CERKL: variants seen among roughly 807,000 people sequenced by gnomAD.
CERKL encodes the protein ceramide kinase-like protein.
In CERKL, 61 loss-of-function variants were observed where a neutral mutation model predicts 63.4. The observed-to-expected ratio is 0.96, with a 90% CI of 0.78 to 1.19. CERKL has a LOEUF of 1.19. Among genes scored for constraint, CERKL ranks in the 50% most tolerant of loss-of-function variants. The pLI, the probability that CERKL is intolerant of heterozygous loss-of-function variation, is 0.00. For missense variants in CERKL, 675 were observed against 655.5 expected (o/e 1.03, Z -0.33); for synonymous variants, 250 against 230.5 (o/e 1.08, Z -0.77).
intron 1 of CERKL, among the ~76,000 whole-genome samples, chr2:181,656,467 TGA>T (rs1688159618): frequency 1.3e-5 from 2 of 152,046 alleles, no homozygotes; most frequent in South Asian, 2.1e-4. Flanking sequence ...GATTTTCTGC[TGA>T]GACTCTGAGC....
Position 181,539,262 on chromosome 2 carries a change from G to A in CERKL, c.1368C>T (p.Phe456=), listed in dbSNP as rs1687372607. The change falls in exon 12 of 13, where the codon TTC becomes TTT. Residue 456 remains phenylalanine, a splice_region_variant and synonymous_variant. Transcript: ENST00000410087. ...LKRYASVKNQ[F]NFPFVETYTV... is the part of the protein sequence containing the mutation. Reference sequence around the variant, plus strand: ...TGTAAGTCTCAACAAATGGAAAATTGAACTAAAAATAAATACAAATAATCA... The same window carrying A: ...TGTAAGTCTCAACAAATGGAAAATTAAACTAAAAATAAATACAAATAATCA... The A allele has an allele frequency of 6.4e-7, 1 of 1,573,050 alleles. No individual in the cohort carries two copies.
intron 1 of CERKL, among the ~76,000 whole-genome samples, 179 bp downstream of exon 1, chr2:181,656,590 T>C (rs1241198753): frequency 6.6e-6 from 1 of 150,774 alleles, no homozygotes; most frequent in African/African-American, 2.4e-5. Context: ...GAGTTCCCAG[T>C]TGGGAAGGAG....
chr2:181,598,860 T>C (rs1254702825), intron 2 of CERKL, among the ~76,000 whole-genome samples: 1 of 145,196 alleles, frequency 6.9e-6, no homozygotes, highest in Admixed American at 6.8e-5. Flanking sequence ...ACCATAGTCA[T>C]ACCCTCAAGG....
chr2:181,565,537 T>C, intron 4 of CERKL: 1 of 1,414,074 alleles, frequency 7.1e-7, no homozygotes, highest in Non-Finnish European at 1.0e-6. Context: ...TAAATTGTAG[T>C]CACTACATTA....
chr2:181,595,325 T>A (rs1685156866), intron 2 of CERKL, among the ~76,000 whole-genome samples: 2 of 152,196 alleles, frequency 1.3e-5, no homozygotes, highest in Non-Finnish European at 2.9e-5. Context: ...ATGAGGAAAC[T>A]TTTTTAAGTA....
At chr2:181,579,965 T>C (rs909281386) in intron 2 of CERKL, among the ~76,000 whole-genome samples, 1 of 151,920 alleles carries the variant, frequency 6.6e-6, no homozygotes, top group African/African-American at 2.4e-5. Context: ...TACCATCTTT[T>C]AAACATTATA....
intron 5 of CERKL, among the ~76,000 whole-genome samples, chr2:181,551,751 T>A (rs1353208548): frequency 6.6e-6 from 1 of 152,146 alleles, no homozygotes; most frequent in African/African-American, 2.4e-5. Flanking sequence ...AAAAGTTTTA[T>A]ACATCTTATA....
chr2:181,563,997 G>A (rs151161456), intron 4 of CERKL, among the ~76,000 whole-genome samples: 13 of 152,196 alleles, frequency 8.5e-5, no homozygotes, highest in East Asian at 5.8e-4. Context: ...GGTGGGAGAC[G>A]GATGGTTTCA....
chr2:181,562,904 T>G (rs544524431), intron 4 of CERKL, among the ~76,000 whole-genome samples: 1 of 152,286 alleles, frequency 6.6e-6, no homozygotes, highest in South Asian at 2.1e-4. Context: ...TGATAAAATG[T>G]CAATATAATC....
Position 181,548,669 on chromosome 2 carries a change from A to G in CERKL, c.1073+11T>C, listed in dbSNP as rs186100602. The G allele has an allele frequency of 3.0e-4, 479 of 1,613,880 alleles. No individual in the cohort carries two copies. In the African/African-American group the frequency reaches 3.0e-3, roughly 10 times the overall value. On this transcript the variant is annotated intron_variant, in intron 7 of 12. Transcript: ENST00000410087. ...CTGGGATACAATTTTTGGTTTAAGA[A>G]AAAGACTTACTTAAGTTTTGCCAGT...
At chr2:181,564,136 G>A (rs1688566009) in intron 4 of CERKL, among the ~76,000 whole-genome samples, 1 of 152,084 alleles carries the variant, frequency 6.6e-6, no homozygotes, top group Non-Finnish European at 1.5e-5. Context: ...ACTCCTGTGA[G>A]AATCTAATGC....
chr2:181,640,179 C>T (rs1467712090), intron 1 of CERKL, among the ~76,000 whole-genome samples: 1 of 152,186 alleles, frequency 6.6e-6, no homozygotes, highest in Non-Finnish European at 1.5e-5. Context: ...TTCTGGTTTG[C>T]ATGCCAAAAG....
chr2:181,539,066 A>G (rs74442507), intron 12 of CERKL, 26 bp downstream of exon 12: 3 of 1,305,326 alleles, frequency 2.3e-6, no homozygotes, highest in African/African-American at 6.6e-5. Context: ...CTGGTTGACA[A>G]TAAGCGGTGA....
rs1553511174 is a variant in CERKL at position 181,537,261 on chromosome 2, C to CCTACTCAGAACTACT, written c.*908_*922dup. ...TAAGGAAATTTACATTTGGTTCTTT[C>CCTACTCAGAACTACT]CTACTCAGAACTACTCAGAAACAAC... On this transcript the variant is annotated 3_prime_UTR_variant, in exon 13 of 13. Transcript: ENST00000410087. 13 of 453,706 alleles carry CCTACTCAGAACTACT rather than the reference C, an allele frequency of 2.9e-5. No homozygotes were observed. Among genetic ancestry groups the CCTACTCAGAACTACT allele is most frequent in the Non-Finnish European group, 5.3e-5 (12 of 226,734 alleles). The allele number at this position is 453,706 out of a possible 1,614,324, so 28.1% of individuals were successfully genotyped here. A position where few individuals can be genotyped will look rare whatever the true frequency, so the allele number is the denominator to read the frequency against.
chr2:181,621,787 G>A (rs1686465401), intron 1 of CERKL, among the ~76,000 whole-genome samples: 1 of 152,032 alleles, frequency 6.6e-6, no homozygotes, highest in Non-Finnish European at 1.5e-5. Flanking sequence ...TAGCTTACAG[G>A]ATTACAGCAA....
chr2:181,558,682 G>A lies in CERKL; in HGVS notation c.704C>T (p.Ser235Phe). 1 of 1,613,632 alleles carries A rather than the reference G, an allele frequency of 6.2e-7. No homozygotes were observed. Among genetic ancestry groups the A allele is most frequent in the Non-Finnish European group, 8.5e-7 (1 of 1,179,780 alleles). ...DGVVCVGGDG[S>F]ASEVAHALLL... ...CAAAGCATGGGCTACTTCGCTAGCA[G>A]ATCCATCTCCACCAACACAGACAAC... Residue 235 changes from serine to phenylalanine, a missense_variant, in exon 5 of 13, where the codon TCT (serine) becomes TTT (phenylalanine). By Grantham distance (155) the Ser-to-Phe change is radical. Transcript: ENST00000410087. This position sits in a 1 kb window ranked among gnomAD's most constrained non-coding sequence, Gnocchi z 4.2.
chr2:181,543,170 AG>A (rs1481726680), intron 11 of CERKL, among the ~76,000 whole-genome samples: 4 of 152,238 alleles, frequency 2.6e-5, no homozygotes, highest in African/African-American at 9.6e-5. Flanking sequence ...ACTAATCTTG[AG>A]GAACATGGAA....
chr2:181,590,765 C>T (rs934159835), intron 2 of CERKL, among the ~76,000 whole-genome samples: 10 of 152,106 alleles, frequency 6.6e-5, no homozygotes, highest in Admixed American at 5.2e-4. Context: ...CATAAAAGTA[C>T]TTAAAACATA....
At position 181,601,430 on chromosome 2, in the gene CERKL, G is replaced by A. The variant is rs189905177; in HGVS notation, c.481+2407C>T. The stretch of plus-strand genomic sequence containing the variant: ...ACAAAAATTAGCCAGGCGTAGTGGC[G>A]GGTGCCTGTAATCCCAGCTACTCGG... On this transcript the variant is annotated intron_variant, in intron 2 of 12. Coordinates refer to ENST00000410087, the MANE Select transcript of CERKL (RefSeq NM_201548.5). Among the ~76,000 whole-genome samples, 122 of 152,108 alleles carry A rather than the reference G, an allele frequency of 8.0e-4. 1 individual carries two copies. The highest frequency in any genetic ancestry group is 2.1e-3 in the African/African-American group (88 of 41,528).
Sources: allele counts gnomAD v4.1 joint callset (sites outside exome capture counted in the v4.1 genomes callset), GRCh38; gene constraint gnomAD v4.1.1; non-coding constraint Gnocchi (gnomAD v3.1); transcripts MANE v1.5; gene names NCBI Gene and HGNC (gene_info 2026-07-23, HGNC 2026-07-21).